Variants in SUCLG2 observed in about 807,000 individuals in gnomAD.
The protein encoded by SUCLG2 is succinate--CoA ligase [GDP-forming] subunit beta, mitochondrial.
Under a neutral mutation model 47.9 loss-of-function variants are expected in SUCLG2, and 42 were observed. That is an observed-to-expected ratio of 0.88 (90% CI 0.69 to 1.14). The LOEUF (loss-of-function observed/expected upper bound fraction) is 1.14, where lower values mean the gene tolerates loss of function less well. Among genes scored for constraint, SUCLG2 ranks in the 50% most tolerant of loss-of-function variants. SUCLG2 has a pLI of 0.00. For synonymous variants in SUCLG2, 195 were observed against 197.3 expected (o/e 0.99, Z 0.10); for missense variants, 571 against 525.9 (o/e 1.09, Z -0.84).
At chr3:67,640,778 T>C (rs572432305) in intron 1 of SUCLG2, among the ~76,000 whole-genome samples, 82 of 152,346 alleles carry the variant, frequency 5.4e-4, no homozygotes, top group African/African-American at 1.9e-3. Context: ...TATTGTTCAT[T>C]TACAATCAGC....
At chr3:67,552,708 A>G (rs1463806224) in intron 2 of SUCLG2, among the ~76,000 whole-genome samples, 2 of 152,230 alleles carry the variant, frequency 1.3e-5, no homozygotes, top group African/African-American at 2.4e-5. Flanking sequence ...AAAACAGAGT[A>G]TAACAATAAA....
Position 67,518,260 on chromosome 3 carries a change from G to A in SUCLG2, c.647C>T (p.Pro216Leu). Residue 216 changes from proline (P) to leucine (L), a missense_variant, in exon 6 of 11, where the codon CCT (proline) becomes CTT (leucine). Coordinates refer to ENST00000307227, the MANE Select transcript of SUCLG2 (RefSeq NM_003848.4). ...RMAENLGFVG[P>L]LKSQAADQIT... is the part of the protein sequence containing the mutation. ...TGGCTTATATACCTGGCTTTTCAAA[G>A]GCCCAACGAAGCCTAGATTTTCGGC... 1.9e-6 allele frequency: 3 copies of A among 1,611,552 alleles called. No homozygotes were observed. The highest frequency in any genetic ancestry group is 2.5e-6 in the Non-Finnish European group (3 of 1,178,580).
intron 2 of SUCLG2, among the ~76,000 whole-genome samples, chr3:67,540,880 C>T (rs1706686493): frequency 1.3e-5 from 2 of 152,210 alleles, no homozygotes; most frequent in Non-Finnish European, 2.9e-5. Context: ...GTTCTGCATC[C>T]TCCACTAGTG....
chr3:67,557,063 T>C (rs775231472), intron 2 of SUCLG2, among the ~76,000 whole-genome samples: 14 of 152,206 alleles, frequency 9.2e-5, no homozygotes, highest in Non-Finnish European at 1.6e-4. Context: ...CTAGTGTTTA[T>C]TCCAAAAGTC....
chr3:67,603,492 G>A (rs1043475421), intron 2 of SUCLG2, among the ~76,000 whole-genome samples: 1 of 152,188 alleles, frequency 6.6e-6, no homozygotes, highest in African/African-American at 2.4e-5. Context: ...TGTTATAGCT[G>A]AAAGCAATCA....
intron 10 of SUCLG2, among the ~76,000 whole-genome samples, chr3:67,392,229 C>T (rs1295146304): frequency 6.6e-6 from 1 of 152,150 alleles, no homozygotes; most frequent in Non-Finnish European, 1.5e-5. Context: ...ACATCTTTCA[C>T]CTCTCCTGCC....
At chr3:67,645,379 A>AC in intron 1 of SUCLG2, among the ~76,000 whole-genome samples, 1 of 152,208 alleles carries the variant, frequency 6.6e-6, no homozygotes, top group East Asian at 1.9e-4. Flanking sequence ...CCTCAGGCCC[A>AC]CCCTCGCTTA....
chr3:67,530,245 A>G (rs532096385), intron 2 of SUCLG2, among the ~76,000 whole-genome samples: 22 of 152,284 alleles, frequency 1.4e-4, no homozygotes, highest in African/African-American at 5.1e-4. Flanking sequence ...ATGTCTCTGA[A>G]ACTCGGTTTA....
intron 2 of SUCLG2, among the ~76,000 whole-genome samples, chr3:67,529,697 C>T (rs1928565): frequency 0.28 from 41,952 of 152,062 alleles, 9,745 homozygotes; most frequent in African/African-American, 0.62. Flanking sequence ...GTTCTATATA[C>T]TGATAGGGTT....
chr3:67,447,080 A>G (rs1703945914), intron 9 of SUCLG2, among the ~76,000 whole-genome samples: 1 of 152,170 alleles, frequency 6.6e-6, no homozygotes, highest in Non-Finnish European at 1.5e-5. Flanking sequence ...GTTTTATTTA[A>G]GTGTGTTGTC....
intron 1 of SUCLG2, among the ~76,000 whole-genome samples, chr3:67,630,578 A>T (rs1700908300): frequency 6.6e-6 from 1 of 152,234 alleles, no homozygotes. Context: ...CCTTATGTAT[A>T]AAGATAGATG....
rs560115495 is a variant in SUCLG2 at position 67,619,806 on chromosome 3, A to AG, written c.85-10211dup. 2.6e-3 allele frequency among the ~76,000 whole-genome samples: 396 copies of AG among 152,310 alleles called. 4 individuals are homozygous for AG. Among genetic ancestry groups the AG allele is most frequent in the Non-Finnish European group, 7.1e-4 (48 of 68,018 alleles). On this transcript the variant is annotated intron_variant, in intron 1 of 10. Coordinates refer to ENST00000307227, the MANE Select transcript of SUCLG2 (RefSeq NM_003848.4). ...CTGCCAGCAGCAAGAAAGAAAAGGGAGGGAAAAAAATACAACCTTGATAAA... is the reference window on the plus strand; with the variant it reads ...CTGCCAGCAGCAAGAAAGAAAAGGGAGGGGAAAAAAATACAACCTTGATAAA...
chr3:67,439,542 G>A (rs1703707336), intron 9 of SUCLG2, among the ~76,000 whole-genome samples: 1 of 152,188 alleles, frequency 6.6e-6, no homozygotes. Flanking sequence ...AAAGTCTGAG[G>A]ATACAAAATC....
intron 10 of SUCLG2, among the ~76,000 whole-genome samples, chr3:67,386,906 G>GT (rs928556877): frequency 6.6e-6 from 1 of 152,128 alleles, no homozygotes; most frequent in Non-Finnish European, 1.5e-5. Context: ...GACTCTGCTG[G>GT]TGTACCCCCA....
chr3:67,584,592 A>G (rs968761600), intron 2 of SUCLG2, among the ~76,000 whole-genome samples: 7 of 152,206 alleles, frequency 4.6e-5, no homozygotes, highest in Admixed American at 1.3e-4. Flanking sequence ...GTTGCCAAAG[A>G]GTATTCCATT....
chr3:67,414,934 C>T (rs1703006639), intron 9 of SUCLG2, among the ~76,000 whole-genome samples: 1 of 152,180 alleles, frequency 6.6e-6, no homozygotes, highest in Admixed American at 6.5e-5. Context: ...CAGCTCATTG[C>T]AGACTTGACC....
At chr3:67,360,768 C>A in exon 11 of SUCLG2, 1 of 1,509,120 alleles carries the variant, frequency 6.6e-7, no homozygotes, top group East Asian at 2.5e-5. Flanking sequence ...CATAAAAGTA[C>A]CTGAAATTGG....
At chr3:67,384,949 G>C (rs932072248) in intron 10 of SUCLG2, among the ~76,000 whole-genome samples, 8 of 152,190 alleles carry the variant, frequency 5.3e-5, no homozygotes, top group African/African-American at 1.9e-4. Flanking sequence ...AGGTAGTTCT[G>C]CCTCAGGACA....
At position 67,406,195 on chromosome 3, in the gene SUCLG2, T is replaced by C. The variant is rs114972078; in HGVS notation, c.1063-5344A>G. On this transcript the variant is annotated intron_variant, in intron 9 of 10. Transcript: ENST00000307227. The stretch of plus-strand genomic sequence containing the variant: ...GTCAGTCTAAAAAATTCAGCTCTTT[T>C]TATTCAACATGATCCTGAGTCCCCT... 5.3e-3 allele frequency among the ~76,000 whole-genome samples: 811 copies of C among 152,314 alleles called. 4 individuals are homozygous for C. Among genetic ancestry groups the C allele is most frequent in the African/African-American group, 0.019 (776 of 41,576 alleles).
Sources: gnomAD v4.1 joint callset for allele counts (sites outside exome capture counted in the v4.1 genomes callset) on GRCh38, gnomAD v4.1.1 for gene constraint, MANE v1.5 for transcripts, NCBI Gene and HGNC (gene_info 2026-07-23, HGNC 2026-07-21) for gene names.